The following DSCAM variants were observed in gnomAD, a reference collection of about 807,000 sequenced individuals.
The protein encoded by DSCAM is cell adhesion molecule DSCAM.
DSCAM carries 47 observed loss-of-function variants against 217.7 expected under a neutral mutation model. The observed-to-expected ratio is 0.22, with a 90% CI of 0.17 to 0.28. The LOEUF is 0.28. Among genes scored for constraint, DSCAM ranks in the 10% least tolerant of loss-of-function variants. DSCAM has a pLI of 1.00. For missense variants in DSCAM, 2,080 were observed against 2,618.3 expected (o/e 0.79, Z 4.49); for synonymous variants, 1,056 against 1,015.3 (o/e 1.04, Z -0.76).
chr21:40,343,384 T>G (rs915993590), intron 6 of DSCAM, among the ~76,000 whole-genome samples: 1 of 152,198 alleles, frequency 6.6e-6, no homozygotes, highest in Non-Finnish European at 1.5e-5. Flanking sequence ...GAAAAACATT[T>G]AGTGTTTAAC....
chr21:40,383,195 G>A (rs1484398649), intron 3 of DSCAM: 1 of 152,158 alleles, frequency 6.6e-6, no homozygotes, highest in Non-Finnish European at 1.5e-5. Flanking sequence ...GGGCGTGGTG[G>A]TGTGCGCCTG....
chr21:40,189,889 A>G (rs544117432), intron 11 of DSCAM, among the ~76,000 whole-genome samples: 14 of 152,296 alleles, frequency 9.2e-5, no homozygotes, highest in African/African-American at 3.1e-4. Flanking sequence ...GCAGCATGAA[A>G]ACGGACTAAT....
At position 40,481,383 on chromosome 21, in the gene DSCAM, G is replaced by A. The variant is rs533317745; in HGVS notation, c.509-112138C>T. The stretch of plus-strand genomic sequence containing the variant: ...CGGGTGCCTGTAGTCCCAGCTACTC[G>A]GGAGGCTGAGGGAGGAGAATGGCAT... On this transcript the variant is annotated intron_variant, in intron 3 of 32. Transcript: ENST00000400454. Among the ~76,000 whole-genome samples the A allele has an allele frequency of 1.5e-3, 224 of 151,992 alleles. 1 individual carries two copies. Among genetic ancestry groups the A allele is most frequent in the African/African-American group, 5.0e-3 (206 of 41,462 alleles).
intron 9 of DSCAM, among the ~76,000 whole-genome samples, chr21:40,304,434 A>G (rs115214434): frequency 5.5e-4 from 84 of 152,350 alleles, no homozygotes; most frequent in African/African-American, 1.6e-3. Flanking sequence ...ATTAGCAACG[A>G]GGTTGTTTCA....
chr21:40,060,681 G>T (rs187523455), intron 28 of DSCAM, among the ~76,000 whole-genome samples: 152 of 152,314 alleles, frequency 1.0e-3, no homozygotes, highest in Non-Finnish European at 1.9e-3. Flanking sequence ...TATGGCCAGG[G>T]CATTTTCAAG....
chr21:40,802,086 C>T (rs1024185593), intron 1 of DSCAM, among the ~76,000 whole-genome samples: 1 of 152,036 alleles, frequency 6.6e-6, no homozygotes, highest in Non-Finnish European at 1.5e-5. Flanking sequence ...GACTTCAGCA[C>T]ATAGAAGTAG....
chr21:40,102,055 C>A (rs1327809698), intron 20 of DSCAM, among the ~76,000 whole-genome samples: 2 of 151,458 alleles, frequency 1.3e-5, no homozygotes, highest in Non-Finnish European at 2.9e-5. Context: ...CAAGTTCCTG[C>A]CCCCGGGGAG....
chr21:40,560,009 G>T (rs1264129787), intron 3 of DSCAM, among the ~76,000 whole-genome samples: 1 of 152,000 alleles, frequency 6.6e-6, no homozygotes, highest in Non-Finnish European at 1.5e-5. Context: ...TAGCCAGGAT[G>T]GTCTCGATCT....
At chr21:40,555,867 C>T (rs1376742496) in intron 3 of DSCAM, among the ~76,000 whole-genome samples, 1 of 151,956 alleles carries the variant, frequency 6.6e-6, no homozygotes, top group East Asian at 1.9e-4. Context: ...GAAGTCTTAT[C>T]CTTAAGTAAT....
In DSCAM at chr21:40,620,321, AG is replaced by A. The variant is rs1228466766; in HGVS notation, c.508+72488del. ...GAAAAAGAAAGAGAGAGAGAAAGAG[AG>A]AGAAAAAAGAAAAAGAAAGAAAGAG... On this transcript the variant is annotated intron_variant, in intron 3 of 32. Coordinates refer to ENST00000400454, the MANE Select transcript of DSCAM (RefSeq NM_001389.5). 1.4e-5 allele frequency among the ~76,000 whole-genome samples: 2 copies of A among 142,796 alleles called. 1 individual carries two copies. The highest frequency in any genetic ancestry group is 3.0e-5 in the Non-Finnish European group (2 of 65,916). 93.7% of individuals were successfully genotyped at this position (142,796 alleles called of 152,430 possible). A position where few individuals can be genotyped will look rare whatever the true frequency, so the allele number is the denominator to read the frequency against.
intron 3 of DSCAM, among the ~76,000 whole-genome samples, chr21:40,378,643 G>A (rs1328704945): frequency 3.4e-4 from 42 of 122,296 alleles, no homozygotes; most frequent in Admixed American, 5.2e-4. Flanking sequence ...CCAGGCTGGA[G>A]TGCAGTGGCG....
intron 1 of DSCAM, among the ~76,000 whole-genome samples, chr21:40,733,173 T>G (rs1249036729): frequency 3.3e-5 from 5 of 152,120 alleles, no homozygotes; most frequent in Non-Finnish European, 7.3e-5. Flanking sequence ...CACTCGTAAA[T>G]AACCCACTGG....
chr21:40,395,645 GGTTTT>G (rs1295347699), intron 3 of DSCAM, among the ~76,000 whole-genome samples: 1 of 151,602 alleles, frequency 6.6e-6, no homozygotes, highest in Non-Finnish European at 1.5e-5. Context: ...CCTTGCTATT[GGTTTT>G]GTTTTCTCTT....
chr21:40,169,036 TG>T (rs987332489), intron 15 of DSCAM, among the ~76,000 whole-genome samples: 17 of 152,044 alleles, frequency 1.1e-4, no homozygotes, highest in Admixed American at 2.0e-4. Context: ...GGGAAGCAAA[TG>T]GGAGAAATTT....
At chr21:40,288,898 C>T (rs2073858715) in intron 10 of DSCAM, among the ~76,000 whole-genome samples, 1 of 152,122 alleles carries the variant, frequency 6.6e-6, no homozygotes, top group South Asian at 2.1e-4. Context: ...TGCAGTCACC[C>T]AACCAGACAG....
intron 3 of DSCAM, among the ~76,000 whole-genome samples, chr21:40,408,487 C>T (rs560365822): frequency 6.6e-6 from 1 of 152,040 alleles, no homozygotes; most frequent in Non-Finnish European, 1.5e-5. Flanking sequence ...ATCTGGGCAT[C>T]ACATTCAGTT....
chr21:40,756,206 G>A (rs958464924), intron 1 of DSCAM, among the ~76,000 whole-genome samples: 16 of 152,116 alleles, frequency 1.1e-4, no homozygotes, highest in African/African-American at 3.9e-4. Flanking sequence ...TTGAAAGTTT[G>A]TGGCACCTCC....
intron 4 of DSCAM, among the ~76,000 whole-genome samples, chr21:40,354,997 T>G (rs148114919): frequency 1.1e-3 from 165 of 152,262 alleles, no homozygotes; most frequent in African/African-American, 3.8e-3. Context: ...TTTTGATCCC[T>G]CAGTGTAGAC....
At chr21:40,688,600 T>C (rs1409350393) in intron 3 of DSCAM, among the ~76,000 whole-genome samples, 2 of 152,040 alleles carry the variant, frequency 1.3e-5, no homozygotes, top group Admixed American at 6.6e-5. Context: ...TTTAGGGAGG[T>C]AAGAACACAA....
Sources: allele counts gnomAD v4.1 joint callset (sites outside exome capture counted in the v4.1 genomes callset), GRCh38; gene constraint gnomAD v4.1.1; transcripts MANE v1.5; gene names NCBI Gene and HGNC (gene_info 2026-07-23, HGNC 2026-07-21).